The following SMOC1 variants were observed in gnomAD, a reference collection of about 807,000 sequenced individuals.
SMOC1 encodes the protein SPARC related modular calcium binding 1.
In SMOC1, 22 loss-of-function variants were observed where a neutral mutation model predicts 56.3. The observed-to-expected ratio is 0.39, with a 90% confidence interval of 0.28 to 0.56. SMOC1 has a LOEUF of 0.56. Among genes scored for constraint, SMOC1 ranks in the 20% least tolerant of loss-of-function variants. SMOC1 has a pLI of 0.61. For missense variants in SMOC1, 509 were observed against 565.4 expected (o/e 0.90, Z 1.01); for synonymous variants, 193 against 215.0 (o/e 0.90, Z 0.89).
chr14:69,918,523 C>T (rs77174380), intron 1 of SMOC1, among the ~76,000 whole-genome samples: 2,101 of 152,202 alleles, frequency 0.014, 14 homozygotes, highest in Middle Eastern at 0.061. Context: ...CCACCACGCT[C>T]GGCTGATCCT....
chr14:70,031,587 C>G lies in SMOC1; in HGVS notation c.*1329C>G, dbSNP rs1265221615. Reference sequence around the variant, plus strand: ...GATCTTGGGTTTCCTATTCTGCCTCCCCTAGAAGGGCAGGGGTGATAACCC... The same window carrying G: ...GATCTTGGGTTTCCTATTCTGCCTCGCCTAGAAGGGCAGGGGTGATAACCC... On this transcript the variant is annotated 3_prime_UTR_variant, in exon 12 of 12. Coordinates refer to ENST00000361956, the MANE Select transcript of SMOC1 (RefSeq NM_001034852.3). 4 of 152,200 alleles carry G rather than the reference C, an allele frequency of 2.6e-5. No homozygotes were observed. Among genetic ancestry groups the G allele is most frequent in the Admixed American group, 6.5e-5 (1 of 15,284 alleles). The allele number at this position is 152,200 out of a possible 1,614,324, so 9.4% of individuals were successfully genotyped here.
chr14:69,942,758 G>A (rs1882610994), intron 1 of SMOC1, among the ~76,000 whole-genome samples: 1 of 152,078 alleles, frequency 6.6e-6, no homozygotes, highest in African/African-American at 2.4e-5. Flanking sequence ...CTCACTTTAT[G>A]TGCACCTGCT....
At chr14:69,982,613 C>A (rs925009413) in intron 5 of SMOC1, among the ~76,000 whole-genome samples, 4 of 152,370 alleles carry the variant, frequency 2.6e-5, no homozygotes, top group South Asian at 4.1e-4. Context: ...TGCCCTGAGC[C>A]TGGCAGAGCC....
intron 1 of SMOC1, among the ~76,000 whole-genome samples, chr14:69,898,942 G>C (rs372201878): frequency 6.6e-6 from 1 of 152,112 alleles, no homozygotes; most frequent in African/African-American, 2.4e-5. Context: ...TAAGATGTGG[G>C]GGGAGGAGAA....
chr14:69,919,248 G>C (rs750852877), intron 1 of SMOC1, among the ~76,000 whole-genome samples: 1 of 152,120 alleles, frequency 6.6e-6, no homozygotes, highest in Non-Finnish European at 1.5e-5. Context: ...GGGACAGAGA[G>C]CATGCTCAGA....
At chr14:69,953,556 G>C (rs768828261) in intron 3 of SMOC1, 24 bp downstream of exon 3, 17 of 1,601,230 alleles carry the variant, frequency 1.1e-5, no homozygotes, top group Middle Eastern at 3.3e-4. Flanking sequence ...CAATCCTCTT[G>C]GGCTCTTTCC....
chr14:69,949,589 G>A (rs1334367598), intron 1 of SMOC1, among the ~76,000 whole-genome samples: 1 of 152,228 alleles, frequency 6.6e-6, no homozygotes, highest in Non-Finnish European at 1.5e-5. Context: ...TCACCTGGGA[G>A]AGTCAGGGAG....
At position 70,022,832 on chromosome 14, in the gene SMOC1, G is replaced by A. The variant is rs145750328; in HGVS notation, c.1047-371G>A. Among the ~76,000 whole-genome samples, 8 of 152,318 alleles carry A rather than the reference G, an allele frequency of 5.3e-5. No individual in the cohort carries two copies. In the East Asian group the frequency reaches 1.4e-3, roughly 26 times the overall value. On this transcript the variant is annotated intron_variant, in intron 10 of 11. Transcript: ENST00000361956. Reference sequence around the variant, plus strand: ...TTTACGTGTAATGAGCAGCTTGTCCGCAGTGAGTGCTAGGCCAGGGGAGGG... The same window carrying A: ...TTTACGTGTAATGAGCAGCTTGTCCACAGTGAGTGCTAGGCCAGGGGAGGG...
In SMOC1 at chr14:69,879,547, C is replaced by A; in HGVS notation, c.-132C>A. The A allele has an allele frequency of 3.2e-6, 2 of 623,734 alleles. No individual in the cohort carries two copies. The highest frequency in any genetic ancestry group is 4.8e-6 in the Non-Finnish European group (2 of 414,970). The allele number at this position is 623,734 out of a possible 1,614,324, so 38.6% of individuals were successfully genotyped here. A position where few individuals can be genotyped will look rare whatever the true frequency, so the allele number is the denominator to read the frequency against. On this transcript the variant is annotated 5_prime_UTR_variant, in exon 1 of 12. Transcript: ENST00000361956. ...CCCCTGACCGCAGCCTCTGCGAGCCCCCGCCGCAGGACCACGGCCCGCTCC... is the reference window on the plus strand; with the variant it reads ...CCCCTGACCGCAGCCTCTGCGAGCCACCGCCGCAGGACCACGGCCCGCTCC...
At chr14:69,919,915 C>A (rs1016202272) in intron 1 of SMOC1, among the ~76,000 whole-genome samples, 5 of 149,786 alleles carry the variant, frequency 3.3e-5, no homozygotes, top group East Asian at 2.0e-4. Context: ...CAAATACCCC[C>A]CCCCCCCTTT....
At chr14:69,907,789 C>A (rs1884449705) in intron 1 of SMOC1, among the ~76,000 whole-genome samples, 1 of 152,214 alleles carries the variant, frequency 6.6e-6, no homozygotes, top group Non-Finnish European at 1.5e-5. Flanking sequence ...AAGGTGCCAA[C>A]AAGTGTCTGG....
chr14:69,941,468 A>G (rs1486640193), intron 1 of SMOC1, among the ~76,000 whole-genome samples: 2 of 152,038 alleles, frequency 1.3e-5, no homozygotes, highest in Admixed American at 6.5e-5. Flanking sequence ...TACCCAGGAC[A>G]CCCAGCCCCT....
intron 7 of SMOC1, among the ~76,000 whole-genome samples, chr14:69,998,092 G>A (rs1884836657): frequency 6.6e-6 from 1 of 152,176 alleles, no homozygotes; most frequent in Admixed American, 6.5e-5. Flanking sequence ...TGACACATAT[G>A]CCTACAGACT....
At chr14:69,948,619 T>C (rs1882877895) in intron 1 of SMOC1, among the ~76,000 whole-genome samples, 1 of 152,200 alleles carries the variant, frequency 6.6e-6, no homozygotes. Flanking sequence ...AGCTGCAGCA[T>C]AGGCAACTAG....
At chr14:69,956,619 A>G (rs530834548) in intron 3 of SMOC1, among the ~76,000 whole-genome samples, 1 of 152,122 alleles carries the variant, frequency 6.6e-6, no homozygotes, top group African/African-American at 2.4e-5. Context: ...ATGGCACTCT[A>G]ATGGGATTGG....
chr14:69,966,052 A>C (rs1883565682), intron 3 of SMOC1, among the ~76,000 whole-genome samples: 1 of 152,216 alleles, frequency 6.6e-6, no homozygotes, highest in South Asian at 2.1e-4. Context: ...CAGGAGAACA[A>C]GGAAAGGCTC....
chr14:69,998,786 G>A (rs56290405), intron 7 of SMOC1, among the ~76,000 whole-genome samples: 2,226 of 152,290 alleles, frequency 0.015, 51 homozygotes, highest in African/African-American at 0.05. Context: ...TGACTCTGTG[G>A]CCTCAAGTGG....
intron 11 of SMOC1, among the ~76,000 whole-genome samples, chr14:70,029,249 A>T (rs978856224): frequency 2.0e-5 from 3 of 152,024 alleles, no homozygotes; most frequent in Non-Finnish European, 4.4e-5. Flanking sequence ...CTGTGGGGAG[A>T]TGTGGGTGTC....
At chr14:70,004,590 C>T (rs565022775) in intron 7 of SMOC1, among the ~76,000 whole-genome samples, 1 of 152,316 alleles carries the variant, frequency 6.6e-6, no homozygotes, top group East Asian at 1.9e-4. Flanking sequence ...TCAAGACTGC[C>T]CCATCACTCT....
Sources: gnomAD v4.1 joint callset for allele counts (sites outside exome capture counted in the v4.1 genomes callset) on GRCh38, gnomAD v4.1.1 for gene constraint, MANE v1.5 for transcripts, NCBI Gene and HGNC (gene_info 2026-07-23, HGNC 2026-07-21) for gene names.